SLIT2: variants seen among roughly 807,000 people sequenced by gnomAD.
SLIT2 encodes slit homolog 2 protein.
Under a neutral mutation model 185.7 loss-of-function variants are expected in SLIT2, and 41 were observed. That is an observed-to-expected ratio of 0.22 (90% CI 0.17 to 0.29). SLIT2 has a LOEUF of 0.29. Ranked by LOEUF, SLIT2 falls within the 10% of genes least tolerant of loss-of-function variation. The pLI is 1.00. For synonymous variants in SLIT2, 693 were observed against 680.2 expected, an observed-to-expected ratio of 1.02 and a Z score of -0.29; for missense variants, 1,571 against 1,909.0, an observed-to-expected ratio of 0.82 and a Z score of 3.30.
intron 4 of SLIT2, among the ~76,000 whole-genome samples, chr4:20,443,582 TAAAAAAAAAAAAAAAAAA>T (rs71653885): frequency 3.2e-5 from 2 of 63,060 alleles, no homozygotes; most frequent in Non-Finnish European, 5.6e-5. Context: ...GGAGAAAATC[TAAAAAAAAAAAAAAAAAA>T]AAAAAAAAAG....
At chr4:20,313,226 A>G (rs1294609840) in intron 4 of SLIT2, among the ~76,000 whole-genome samples, 3 of 152,232 alleles carry the variant, frequency 2.0e-5, no homozygotes, top group African/African-American at 7.2e-5. Context: ...TAACAGAAGT[A>G]TGGCACTAAC....
chr4:20,540,749 G>A (rs1722737479), intron 19 of SLIT2, among the ~76,000 whole-genome samples: 1 of 152,136 alleles, frequency 6.6e-6, no homozygotes, highest in Non-Finnish European at 1.5e-5. Context: ...CCATCCATCA[G>A]GAAAGTACTT....
In SLIT2 at chr4:20,407,141, G is replaced by A. The variant is rs535819856; in HGVS notation, c.396-60611G>A. Among the ~76,000 whole-genome samples the A allele has an allele frequency of 3.3e-5, 5 of 152,234 alleles. No individual in the cohort carries two copies. The South Asian group carries it at 1.0e-3, about 32-fold the overall frequency. Reference sequence around the variant, plus strand: ...CATCAAAGTTGCTTTTTCCTTTAGGGAGATAAATGACTGAAAAGAGTTATA... The same window carrying A: ...CATCAAAGTTGCTTTTTCCTTTAGGAAGATAAATGACTGAAAAGAGTTATA... On this transcript the variant is annotated intron_variant, in intron 4 of 36. Transcript: ENST00000504154.
At chr4:20,562,034 G>A (rs1333453212) in intron 26 of SLIT2, among the ~76,000 whole-genome samples, 1 of 151,708 alleles carries the variant, frequency 6.6e-6, no homozygotes, top group Non-Finnish European at 1.5e-5. Context: ...TAGGTGTTGC[G>A]AATGGCCAAG....
intron 4 of SLIT2, among the ~76,000 whole-genome samples, chr4:20,273,532 C>T (rs556414545): frequency 8.6e-5 from 13 of 151,642 alleles, no homozygotes; most frequent in South Asian, 2.1e-4. Context: ...AACTCTGGGA[C>T]GGCATTATAA....
intron 22 of SLIT2, among the ~76,000 whole-genome samples, chr4:20,546,332 C>T (rs115635742): frequency 2.2e-4 from 34 of 152,118 alleles, no homozygotes; most frequent in Admixed American, 1.1e-3. Context: ...ACAAATACAA[C>T]GAAGTCTGAG....
intron 4 of SLIT2, among the ~76,000 whole-genome samples, chr4:20,286,129 T>C (rs965763990): frequency 6.6e-6 from 1 of 152,270 alleles, no homozygotes; most frequent in African/African-American, 2.4e-5. Flanking sequence ...CTTTACCATG[T>C]ATATTAACTG....
chr4:20,277,031 G>T (rs1161311529), intron 4 of SLIT2, among the ~76,000 whole-genome samples: 1 of 152,192 alleles, frequency 6.6e-6, no homozygotes, highest in Non-Finnish European at 1.5e-5. Flanking sequence ...TTTGTTTTGT[G>T]TCTAGATGCT....
intron 5 of SLIT2, among the ~76,000 whole-genome samples, chr4:20,472,564 CTATATATAGA>C (rs1715571377): frequency 2.1e-4 from 1 of 4,662 alleles, no homozygotes; most frequent in Non-Finnish European, 3.1e-4. Flanking sequence ...AGATATATAT[CTATATATAGA>C]TATATCTATA....
chr4:20,399,003 C>T (rs890825303), intron 4 of SLIT2, among the ~76,000 whole-genome samples: 3 of 151,518 alleles, frequency 2.0e-5, no homozygotes, highest in East Asian at 1.9e-4. Context: ...TTCAATAAAG[C>T]GTTAGTTTTA....
intron 4 of SLIT2, among the ~76,000 whole-genome samples, chr4:20,456,342 C>T (rs1327334953): frequency 6.6e-6 from 1 of 152,094 alleles, no homozygotes; most frequent in Non-Finnish European, 1.5e-5. Flanking sequence ...CACCCATAAC[C>T]TTTGTCTCTT....
chr4:20,252,465 C>T lies in SLIT2; in HGVS notation c.-1351C>T, dbSNP rs1722115740. 6.6e-6 allele frequency among the ~76,000 whole-genome samples: 1 copy of T among 152,206 alleles called. No individual in the cohort carries two copies. Among genetic ancestry groups the T allele is most frequent in the Non-Finnish European group, 1.5e-5 (1 of 68,032 alleles). On this transcript the variant is annotated 5_prime_UTR_variant, in exon 1 of 37. Transcript: ENST00000504154. ...GCCGCGTCAGGTGCAGCGCCAGGAG[C>T]CGGGCGGCGTCGCCACGCCGGCAGG...
At chr4:20,297,045 A>AT (rs1026738252) in intron 4 of SLIT2, among the ~76,000 whole-genome samples, 1 of 152,030 alleles carries the variant, frequency 6.6e-6, no homozygotes, top group African/African-American at 2.4e-5. Flanking sequence ...TCAAAGTGCC[A>AT]TTTTTTCCCG....
At chr4:20,418,096 G>A (rs1560406292) in intron 4 of SLIT2, among the ~76,000 whole-genome samples, 1 of 152,160 alleles carries the variant, frequency 6.6e-6, no homozygotes, top group Non-Finnish European at 1.5e-5. Flanking sequence ...ATGTAGTGGG[G>A]TCTGACCATC....
chr4:20,417,129 T>G (rs1022884326), intron 4 of SLIT2, among the ~76,000 whole-genome samples: 8 of 152,122 alleles, frequency 5.3e-5, no homozygotes, highest in African/African-American at 1.9e-4. Flanking sequence ...TCTCTAGAAT[T>G]AGGAGATCAG....
intron 4 of SLIT2, among the ~76,000 whole-genome samples, chr4:20,367,450 G>T (rs562502733): frequency 6.6e-6 from 1 of 152,182 alleles, no homozygotes; most frequent in Admixed American, 6.5e-5. Flanking sequence ...GATGTAAGAA[G>T]CTTAAGAAAA....
At chr4:20,518,140 TTTATATATATACATATAC>T (rs1720394492) in intron 11 of SLIT2, among the ~76,000 whole-genome samples, 1 of 140,918 alleles carries the variant, frequency 7.1e-6, no homozygotes, top group East Asian at 2.0e-4. Context: ...TATACATATA[TTTATATATATACATATAC>T]ATACATATAC....
chr4:20,470,087 T>C (rs73108649), intron 5 of SLIT2, among the ~76,000 whole-genome samples: 2,446 of 152,158 alleles, frequency 0.016, 58 homozygotes, highest in African/African-American at 0.055. Flanking sequence ...ACAATAGTTA[T>C]TTGGGTTTGG....
intron 4 of SLIT2, among the ~76,000 whole-genome samples, chr4:20,443,352 A>G (rs1165303937): frequency 2.6e-5 from 4 of 152,150 alleles, no homozygotes; most frequent in African/African-American, 9.7e-5. Flanking sequence ...CAGGCTTACA[A>G]TATTTCTCTG....
Sources: gnomAD v4.1 joint callset for allele counts (sites outside exome capture counted in the v4.1 genomes callset) on GRCh38, gnomAD v4.1.1 for gene constraint, MANE v1.5 for transcripts, NCBI Gene and HGNC (gene_info 2026-07-23, HGNC 2026-07-21) for gene names.